HELZ: variants seen among roughly 807,000 people sequenced by gnomAD.
The protein encoded by HELZ is ATP-dependent RNA helicase with zinc finger domain.
In HELZ, 23 loss-of-function variants were observed where a neutral mutation model predicts 218.2. The observed-to-expected ratio is 0.11, with a 90% CI of 0.08 to 0.15. HELZ has a LOEUF of 0.15. Ranked by LOEUF, HELZ falls within the 10% of genes least tolerant of loss-of-function variation. The pLI is 1.00. For missense variants in HELZ, 1,813 were observed against 2,353.7 expected, an observed-to-expected ratio of 0.77 and a Z score of 4.75; for synonymous variants, 814 against 829.4, an observed-to-expected ratio of 0.98 and a Z score of 0.32.
chr17:67,081,342 T>C (rs1025399413), intron 32 of HELZ, among the ~76,000 whole-genome samples: 6 of 152,308 alleles, frequency 3.9e-5, no homozygotes, highest in South Asian at 4.1e-4. Flanking sequence ...CTGATACAGG[T>C]AGAAGAGGAC....
chr17:67,148,476 G>T (rs2038577162), intron 20 of HELZ, 93 bp downstream of exon 20: 2 of 1,022,248 alleles, frequency 2.0e-6, no homozygotes, highest in Non-Finnish European at 2.9e-6. Flanking sequence ...AGTGTGTTGG[G>T]AATCATCTGT....
At chr17:67,142,918 A>G (rs1177296578) in intron 21 of HELZ, among the ~76,000 whole-genome samples, 1 of 151,874 alleles carries the variant, frequency 6.6e-6, no homozygotes, top group African/African-American at 2.4e-5. Flanking sequence ...CACCATGCCC[A>G]GCTAATTTTT....
At chr17:67,112,807 A>G (rs7218184) in intron 28 of HELZ, among the ~76,000 whole-genome samples, 14,637 of 152,232 alleles carry the variant, frequency 0.096, 1,848 homozygotes, top group African/African-American at 0.29. Context: ...TAAGGACTAG[A>G]GACAGATGCT....
intron 29 of HELZ, 55 bp downstream of exon 29, chr17:67,109,061 C>T (rs890872731): frequency 4.4e-6 from 6 of 1,366,252 alleles, no homozygotes; most frequent in Middle Eastern, 5.3e-4. Context: ...ATTATACAGT[C>T]CAAGTCATGT....
chr17:67,190,633 C>T (rs72838439), intron 9 of HELZ, among the ~76,000 whole-genome samples: 31,445 of 152,150 alleles, frequency 0.21, 3,501 homozygotes, highest in African/African-American at 0.29. Context: ...AAAAGAGGCA[C>T]TGAAAAGTAG....
rs1020485584 is a variant in HELZ at position 67,072,812 on chromosome 17, C to T, written c.*5440G>A. ...GTAAATAAATACATGGTTGAAAAGA[C>T]GTTCAGACTCTGAAGGTCTCTGAGA... On this transcript the variant is annotated 3_prime_UTR_variant, in exon 33 of 33. Coordinates refer to ENST00000358691, the MANE Select transcript of HELZ (RefSeq NM_014877.4). The T allele has an allele frequency of 2.6e-5, 4 of 152,184 alleles. No individual in the cohort carries two copies. Among genetic ancestry groups the T allele is most frequent in the Admixed American group, 6.5e-5 (1 of 15,276 alleles). The allele number at this position is 152,184 out of a possible 1,614,324, so 9.4% of individuals were successfully genotyped here. A position where few individuals can be genotyped will look rare whatever the true frequency, so the allele number is the denominator to read the frequency against.
At chr17:67,199,584 T>G (rs2040118492) in intron 7 of HELZ, among the ~76,000 whole-genome samples, 1 of 152,100 alleles carries the variant, frequency 6.6e-6, no homozygotes, top group South Asian at 2.1e-4. Flanking sequence ...TATATACACA[T>G]GGCTTTGAAG....
At chr17:67,206,867 G>A (rs2040312227) in intron 5 of HELZ, among the ~76,000 whole-genome samples, 1 of 151,738 alleles carries the variant, frequency 6.6e-6, no homozygotes, top group South Asian at 2.1e-4. Flanking sequence ...CCAAAGAGCT[G>A]GGATTACAGG....
At chr17:67,174,183 GA>G (rs371308122) in intron 13 of HELZ, among the ~76,000 whole-genome samples, 27 of 138,022 alleles carry the variant, frequency 2.0e-4, no homozygotes, top group African/African-American at 7.3e-4. Context: ...GGACTGCTTT[GA>G]AAAAAATCAT....
chr17:67,086,168 A>C (rs541515524), intron 32 of HELZ, among the ~76,000 whole-genome samples: 1 of 152,118 alleles, frequency 6.6e-6, no homozygotes, highest in Non-Finnish European at 1.5e-5. Flanking sequence ...CAGAAAACAA[A>C]CTTTTCCCAA....
chr17:67,188,121 C>T lies in HELZ; in HGVS notation c.1162+198G>A. ...GGGAACCTCAAAGTTCAAGCTTTACCTGGTGGCTCTGTGAAGAAATCAGGG... is the reference window on the plus strand; with the variant it reads ...GGGAACCTCAAAGTTCAAGCTTTACTTGGTGGCTCTGTGAAGAAATCAGGG... On this transcript the variant is annotated intron_variant, in intron 12 of 32. Coordinates refer to ENST00000358691, the MANE Select transcript of HELZ (RefSeq NM_014877.4). The surrounding 1 kb of genome is among the most constrained non-coding windows in gnomAD (Gnocchi z 4.1). 1 of 511,906 alleles carries T rather than the reference C, an allele frequency of 2.0e-6. No homozygotes were observed. The highest frequency in any genetic ancestry group is 3.4e-6 in the Non-Finnish European group (1 of 294,430). The allele number at this position is 511,906 out of a possible 1,614,324, so 31.7% of individuals were successfully genotyped here.
chr17:67,244,743 G>A, intron 1 of HELZ: 1 of 984,462 alleles, frequency 1.0e-6, no homozygotes, highest in Non-Finnish European at 1.2e-6. Context: ...GGGCGTGGGA[G>A]GCCCGCACGC....
intron 13 of HELZ, among the ~76,000 whole-genome samples, chr17:67,172,383 T>C (rs1427276935): frequency 1.3e-5 from 2 of 152,154 alleles, no homozygotes; most frequent in African/African-American, 2.4e-5. Flanking sequence ...CAAGGAAACA[T>C]ATTTTGCTTG....
At chr17:67,219,447 T>C (rs747996524) in intron 3 of HELZ, among the ~76,000 whole-genome samples, 150 of 152,344 alleles carry the variant, frequency 9.8e-4, no homozygotes, top group Admixed American at 2.7e-3. Flanking sequence ...AAAGCACAAA[T>C]GAACAATTAC....
At chr17:67,221,805 T>C (rs1567905011) in intron 3 of HELZ, among the ~76,000 whole-genome samples, 4 of 152,044 alleles carry the variant, frequency 2.6e-5, no homozygotes. Flanking sequence ...TTTCACTTTA[T>C]ATAAAGTTTT....
intron 28 of HELZ, among the ~76,000 whole-genome samples, chr17:67,112,552 C>T (rs962450348): frequency 2.6e-5 from 4 of 152,220 alleles, no homozygotes; most frequent in Non-Finnish European, 5.9e-5. Context: ...TGTACTGCAG[C>T]CCCTCCAGTG....
intron 20 of HELZ, among the ~76,000 whole-genome samples, chr17:67,146,696 A>G (rs2038508963): frequency 1.3e-5 from 2 of 152,278 alleles, no homozygotes; most frequent in Admixed American, 6.5e-5. Context: ...TGACTGTAGC[A>G]AATGACTGAA....
intron 1 of HELZ, chr17:67,244,414 G>A (rs56304258): frequency 0.017 from 2,950 of 177,500 alleles, 35 homozygotes; most frequent in Middle Eastern, 0.052. Flanking sequence ...GGGTGCAGAA[G>A]GCTCCAATAA....
In HELZ at chr17:67,148,609, G is replaced by C; in HGVS notation, c.2581C>G (p.Leu861Val). 1 of 1,613,710 alleles carries C rather than the reference G, an allele frequency of 6.2e-7. No homozygotes were observed. Among genetic ancestry groups the C allele is most frequent in the Non-Finnish European group, 8.5e-7 (1 of 1,179,744 alleles). ...HYPAEFPCRI[L>V]LCENYRSHEA... Reference sequence around the variant, plus strand: ...TGGGAGCGGTAGTTCTCACACAGGAGAATCCTACATGGGAACTCAGCAGGG... The same window carrying C: ...TGGGAGCGGTAGTTCTCACACAGGACAATCCTACATGGGAACTCAGCAGGG... The change falls in exon 20 of 33, where the codon CTC (leucine) becomes GTC (valine). Residue 861 changes from leucine to valine, a missense_variant. By Grantham distance (32) the Leu-to-Val change is conservative. Coordinates refer to ENST00000358691, the MANE Select transcript of HELZ (RefSeq NM_014877.4).
Sources: allele counts gnomAD v4.1 joint callset (sites outside exome capture counted in the v4.1 genomes callset), GRCh38; gene constraint gnomAD v4.1.1; non-coding constraint Gnocchi (gnomAD v3.1); transcripts MANE v1.5; gene names NCBI Gene and HGNC (gene_info 2026-07-23, HGNC 2026-07-21).